Variants in NRXN3 observed in about 807,000 individuals in gnomAD.
NRXN3 encodes the protein neurexin III.
A neutral mutation model predicts 137.6 loss-of-function variants in NRXN3; 32 were observed. That is an observed-to-expected ratio of 0.23 (90% CI 0.18 to 0.31). The LOEUF is 0.31. NRXN3 is among the 10% of genes least tolerant of loss of function. The pLI, the probability that NRXN3 is intolerant of heterozygous loss-of-function variation, is 1.00. For missense variants in NRXN3, 1,574 were observed against 2,062.5 expected, an observed-to-expected ratio of 0.76 and a Z score of 4.59; for synonymous variants, 798 against 784.5, an observed-to-expected ratio of 1.02 and a Z score of -0.29.
chr14:79,706,848 G>GTGAT (rs1331991578), intron 19 of NRXN3, among the ~76,000 whole-genome samples: 2 of 152,178 alleles, frequency 1.3e-5, no homozygotes, highest in African/African-American at 4.8e-5. Flanking sequence ...TTAGAGCTAA[G>GTGAT]TGATTGTACT....
intron 10 of NRXN3, among the ~76,000 whole-genome samples, chr14:78,873,088 T>C (rs1486940827): frequency 6.6e-6 from 1 of 152,208 alleles, no homozygotes; most frequent in East Asian, 1.9e-4. Flanking sequence ...TTCAGAAATA[T>C]GTGATGCCTC....
rs1011165969 is a variant in NRXN3, at chr14:79,866,952, G to T, written c.*4988G>T. ...GTCCACTGACAGCACCAGTAGGAAG[G>T]CGCTAATGAAAAGATCTCTAAATAT... is the stretch of plus-strand genomic sequence containing the variant. On this transcript the variant is annotated 3_prime_UTR_variant, in exon 21 of 21. Coordinates refer to ENST00000335750, the MANE Select transcript of NRXN3 (RefSeq NM_001330195.2). The T allele has an allele frequency of 6.6e-6, 1 of 152,174 alleles. No homozygotes were observed. The highest frequency in any genetic ancestry group is 1.5e-5 in the Non-Finnish European group (1 of 68,032). The allele number at this position is 152,174 out of a possible 1,614,324, so 9.4% of individuals were successfully genotyped here.
intron 19 of NRXN3, 91 bp from the exon 20 acceptor site, chr14:79,805,021 T>G (rs2099198454): frequency 1.1e-6 from 1 of 879,064 alleles, no homozygotes; most frequent in Non-Finnish European, 1.9e-6. Context: ...GACACAGTGA[T>G]AAATCTTTGA....
intron 4 of NRXN3, among the ~76,000 whole-genome samples, chr14:78,429,002 T>C (rs567059328): frequency 6.6e-6 from 1 of 152,034 alleles, no homozygotes; most frequent in East Asian, 1.9e-4. Context: ...ACCAATCTTA[T>C]CCTTAACCCT....
At chr14:79,240,460 T>A (rs2074097041) in intron 15 of NRXN3, among the ~76,000 whole-genome samples, 1 of 152,160 alleles carries the variant, frequency 6.6e-6, no homozygotes, top group Non-Finnish European at 1.5e-5. Context: ...TTATCTGTTA[T>A]TCATCTCCCA....
At chr14:79,617,752 A>C (rs2098173249) in intron 16 of NRXN3, among the ~76,000 whole-genome samples, 1 of 152,098 alleles carries the variant, frequency 6.6e-6, no homozygotes, top group South Asian at 2.1e-4. Flanking sequence ...AATGAGACTG[A>C]CGAAGTGACG....
chr14:79,377,019 A>C (rs2094321841), intron 15 of NRXN3, among the ~76,000 whole-genome samples: 1 of 152,232 alleles, frequency 6.6e-6, no homozygotes, highest in Non-Finnish European at 1.5e-5. Flanking sequence ...AGATACTTGA[A>C]TATTCCATTG....
intron 7 of NRXN3, among the ~76,000 whole-genome samples, chr14:78,713,606 C>G (rs1595069921): frequency 6.6e-6 from 1 of 152,168 alleles, no homozygotes; most frequent in Admixed American, 6.5e-5. Flanking sequence ...TAAAGACAAA[C>G]CCAAGACTGG....
chr14:78,462,514 C>G (rs1234129110), intron 4 of NRXN3, among the ~76,000 whole-genome samples: 1 of 152,098 alleles, frequency 6.6e-6, no homozygotes. Flanking sequence ...TCTCTCTTCC[C>G]CTGTCTTAGA....
intron 15 of NRXN3, among the ~76,000 whole-genome samples, chr14:79,356,205 T>G (rs1599084624): frequency 1.3e-5 from 2 of 152,208 alleles, no homozygotes; most frequent in African/African-American, 4.8e-5. Flanking sequence ...AAAACTAGCC[T>G]TCTTTGCTGC....
At chr14:79,245,865 GT>G (rs2075093203) in intron 15 of NRXN3, among the ~76,000 whole-genome samples, 1 of 152,080 alleles carries the variant, frequency 6.6e-6, no homozygotes, top group Admixed American at 6.6e-5. Flanking sequence ...CACATAAATT[GT>G]TTTTAAAGGA....
At chr14:78,172,121 G>T (rs1328114234) in intron 1 of NRXN3, among the ~76,000 whole-genome samples, 2 of 152,090 alleles carry the variant, frequency 1.3e-5, no homozygotes, top group Non-Finnish European at 2.9e-5. Context: ...GGAGGGAGAG[G>T]GGGCACTCCT....
At chr14:79,825,312 T>G (rs907354328) in intron 20 of NRXN3, among the ~76,000 whole-genome samples, 4 of 151,216 alleles carry the variant, frequency 2.6e-5, no homozygotes, top group Non-Finnish European at 1.5e-5. Flanking sequence ...ACTCGATAAA[T>G]GTGTGTTCAC....
At chr14:79,257,436 G>A (rs932082642) in intron 15 of NRXN3, among the ~76,000 whole-genome samples, 1 of 50,890 alleles carries the variant, frequency 2.0e-5, no homozygotes, top group Non-Finnish European at 3.9e-5. Context: ...GGTGGTGGTG[G>A]TGGTGGTAGT....
At chr14:78,542,081 T>C (rs1292727321) in intron 4 of NRXN3, among the ~76,000 whole-genome samples, 1 of 152,264 alleles carries the variant, frequency 6.6e-6, no homozygotes, top group African/African-American at 2.4e-5. Context: ...ATGAGGTGTC[T>C]GTCATCCCCT....
intron 3 of NRXN3, among the ~76,000 whole-genome samples, chr14:78,290,257 G>C (rs748085442): frequency 7.2e-5 from 11 of 152,176 alleles, no homozygotes; most frequent in Non-Finnish European, 2.9e-5. Flanking sequence ...ACTTTTGCCT[G>C]TTCTCATCCT....
At chr14:78,921,520 C>A (rs1023915823) in intron 10 of NRXN3, among the ~76,000 whole-genome samples, 5 of 152,196 alleles carry the variant, frequency 3.3e-5, no homozygotes, top group African/African-American at 1.2e-4. Context: ...GAAGTCAACA[C>A]TGAATTTCTA....
intron 20 of NRXN3, among the ~76,000 whole-genome samples, chr14:79,813,149 A>G (rs999107569): frequency 6.6e-6 from 1 of 152,304 alleles, no homozygotes; most frequent in Non-Finnish European, 1.5e-5. Context: ...TCACACCATC[A>G]TTCTTAACCA....
chr14:79,438,975 GC>G (rs1189371899), intron 15 of NRXN3, among the ~76,000 whole-genome samples: 2 of 152,236 alleles, frequency 1.3e-5, no homozygotes, highest in African/African-American at 4.8e-5. Flanking sequence ...TTTGGCATGG[GC>G]CATGCACCAT....
Sources: gnomAD v4.1 joint callset for allele counts (sites outside exome capture counted in the v4.1 genomes callset) on GRCh38, gnomAD v4.1.1 for gene constraint, MANE v1.5 for transcripts, NCBI Gene and HGNC (gene_info 2026-07-23, HGNC 2026-07-21) for gene names.